The following MRPS9 variants were observed in gnomAD, a reference collection of about 807,000 sequenced individuals.
MRPS9 encodes the protein mitochondrial ribosomal protein S9.
MRPS9 carries 45 observed loss-of-function variants against 59.9 expected under a neutral mutation model. The ratio of observed to expected loss-of-function variants is 0.75; its 90% CI spans 0.59 to 0.96. The LOEUF (loss-of-function observed/expected upper bound fraction) is 0.96, where lower values mean the gene tolerates loss of function less well. Among genes scored for constraint, MRPS9 ranks in the 40% least tolerant of loss-of-function variants. The pLI is 0.00. For synonymous variants in MRPS9, 171 were observed against 166.8 expected, an observed-to-expected ratio of 1.03 and a Z score of -0.19; for missense variants, 473 against 481.1, an observed-to-expected ratio of 0.98 and a Z score of 0.16.
At position 105,080,052 on chromosome 2, in the gene MRPS9, C is replaced by A; in HGVS notation, c.479C>A (p.Ser160Ter). ...LFYTGKQSYYSLMHDVYGMLL... is the reference protein window; with the variant it reads ...LFYTGKQSYY ...TATACTGGCAAACAGTCATACTATT[C>A]ATTAATGCATGTAAGTATATTGCAT... The change falls in exon 5 of 11, where the codon TCA (serine) becomes TAA (stop). Residue 160 changes from serine to a stop codon, truncating the protein, a stop_gained. Coordinates refer to ENST00000258455, the MANE Select transcript of MRPS9 (RefSeq NM_182640.3). LOFTEE classifies it high-confidence loss of function. 1 of 1,599,556 alleles carries A rather than the reference C, an allele frequency of 6.3e-7. No individual in the cohort carries two copies. The highest frequency in any genetic ancestry group is 8.6e-7 in the Non-Finnish European group (1 of 1,169,466).
At chr2:105,056,808 G>C (rs1211668079) in intron 2 of MRPS9, among the ~76,000 whole-genome samples, 1 of 152,142 alleles carries the variant, frequency 6.6e-6, no homozygotes, top group African/African-American at 2.4e-5. Context: ...GTTTATTAAA[G>C]AGTACAATGT....
intron 2 of MRPS9, among the ~76,000 whole-genome samples, chr2:105,052,126 C>T (rs564372887): frequency 6.6e-6 from 1 of 152,176 alleles, no homozygotes; most frequent in South Asian, 2.1e-4. Flanking sequence ...TTTTTCTTAC[C>T]TAATTGCCTT....
chr2:105,087,788 C>CTG (rs1456700824), intron 5 of MRPS9, among the ~76,000 whole-genome samples: 6 of 149,012 alleles, frequency 4.0e-5, no homozygotes, highest in Non-Finnish European at 7.4e-5. Context: ...TCCCTCCCTC[C>CTG]CTCCTGCCTT....
At chr2:105,039,321 T>TG (rs1237687897) in intron 1 of MRPS9, among the ~76,000 whole-genome samples, 4 of 152,018 alleles carry the variant, frequency 2.6e-5, no homozygotes, top group East Asian at 3.9e-4. Context: ...ACATTTGTTT[T>TG]TTTTTTTTTT....
intron 2 of MRPS9, among the ~76,000 whole-genome samples, chr2:105,070,653 G>A (rs1680095465): frequency 6.6e-6 from 1 of 152,128 alleles, no homozygotes. Flanking sequence ...TGCTCCCTAG[G>A]ACGTAGGGGC....
intron 2 of MRPS9, among the ~76,000 whole-genome samples, chr2:105,069,181 A>G (rs1680058959): frequency 6.7e-6 from 1 of 149,196 alleles, no homozygotes; most frequent in African/African-American, 2.5e-5. Flanking sequence ...TGAGCCATAT[A>G]CTTCTTTTAC....
intron 1 of MRPS9, among the ~76,000 whole-genome samples, chr2:105,041,530 T>G (rs1244388927): frequency 1.5e-4 from 6 of 39,468 alleles, no homozygotes; most frequent in African/African-American, 3.2e-4. Flanking sequence ...AAGTATCTGT[T>G]TTTTTTTTTT....
intron 1 of MRPS9, among the ~76,000 whole-genome samples, chr2:105,041,430 A>G (rs1239923865): frequency 1.3e-5 from 2 of 152,092 alleles, no homozygotes; most frequent in Non-Finnish European, 2.9e-5. Context: ...GTTGATTTAG[A>G]CCATCTGCCA....
At chr2:105,042,544 G>C (rs1679519308) in intron 1 of MRPS9, among the ~76,000 whole-genome samples, 1 of 152,336 alleles carries the variant, frequency 6.6e-6, no homozygotes. Context: ...TCTCTCTCAT[G>C]TATTTAGGTC....
chr2:105,088,770 A>G (rs902491176), intron 5 of MRPS9, among the ~76,000 whole-genome samples: 27 of 152,144 alleles, frequency 1.8e-4, no homozygotes, highest in African/African-American at 6.5e-4. Context: ...GTATGACACT[A>G]AATTCTCATT....
chr2:105,056,981 A>G lies in MRPS9; in HGVS notation c.315+7631A>G, dbSNP rs1679802565. 2.6e-5 allele frequency among the ~76,000 whole-genome samples: 4 copies of G among 152,130 alleles called. No homozygotes were observed. The South Asian group carries it at 8.3e-4, about 31-fold the overall frequency. ...AATTTTTTTTTCCAGAATTAGCTCAAATTGGTGCTCGACCTTTTTATTAAG... is the reference window on the plus strand; with the variant it reads ...AATTTTTTTTTCCAGAATTAGCTCAGATTGGTGCTCGACCTTTTTATTAAG... On this transcript the variant is annotated intron_variant, in intron 2 of 10. Transcript: ENST00000258455.
chr2:105,056,562 A>G (rs571745224), intron 2 of MRPS9, among the ~76,000 whole-genome samples: 1 of 152,222 alleles, frequency 6.6e-6, no homozygotes, highest in African/African-American at 2.4e-5. Flanking sequence ...AATTAAAACT[A>G]AAAGCCATTG....
intron 2 of MRPS9, among the ~76,000 whole-genome samples, chr2:105,067,180 T>C (rs1415293913): frequency 6.6e-6 from 1 of 152,222 alleles, no homozygotes; most frequent in Non-Finnish European, 1.5e-5. Flanking sequence ...TCACATCTGA[T>C]ACAATTATAA....
chr2:105,051,925 T>C (rs1396417996), intron 2 of MRPS9, among the ~76,000 whole-genome samples: 2 of 152,208 alleles, frequency 1.3e-5, no homozygotes, highest in Non-Finnish European at 2.9e-5. Flanking sequence ...TCATAGTTCT[T>C]AGTGGATTCC....
chr2:105,074,940 T>C (rs1411607751), intron 4 of MRPS9, among the ~76,000 whole-genome samples: 3 of 152,330 alleles, frequency 2.0e-5, no homozygotes, highest in South Asian at 4.1e-4. Context: ...GCTTTATTTC[T>C]ATTATTACAT....
At position 105,067,400 on chromosome 2, in the gene MRPS9, C is replaced by A. The variant is rs1358550925; in HGVS notation, c.316-3913C>A. The stretch of plus-strand genomic sequence containing the variant: ...TGATATTGTATACTTCTCGTTACAT[C>A]CACGAAGTCTGAGAGGTACATAGTC... On this transcript the variant is annotated intron_variant, in intron 2 of 10. Transcript: ENST00000258455. Among the ~76,000 whole-genome samples, 3 of 152,088 alleles carry A rather than the reference C, an allele frequency of 2.0e-5. No individual in the cohort carries two copies. In the East Asian group the frequency reaches 5.8e-4, roughly 29 times the overall value.
At chr2:105,045,487 G>T (rs1204111957) in intron 1 of MRPS9, among the ~76,000 whole-genome samples, 1 of 151,300 alleles carries the variant, frequency 6.6e-6, no homozygotes, top group Non-Finnish European at 1.5e-5. Flanking sequence ...CTCAGATTGG[G>T]TTAAAAAAAC....
At chr2:105,068,236 A>C (rs1218553484) in intron 2 of MRPS9, among the ~76,000 whole-genome samples, 1 of 152,066 alleles carries the variant, frequency 6.6e-6, no homozygotes, top group African/African-American at 2.4e-5. Context: ...TATTACAGGA[A>C]ATAGTTTTTA....
rs751155585 is a variant in MRPS9, at chr2:105,061,109, C to CAAA, written c.316-10179_316-10177dup. Among the ~76,000 whole-genome samples the CAAA allele has an allele frequency of 4.0e-3, 190 of 47,984 alleles. 20 individuals are homozygous for CAAA. The highest frequency in any genetic ancestry group is 9.9e-3 in the African/African-American group (125 of 12,686). 31.5% of individuals were successfully genotyped at this position (47,984 alleles called of 152,430 possible). On this transcript the variant is annotated intron_variant, in intron 2 of 10. Transcript: ENST00000258455. ...TGGGCGACAGAGCAGGACTCTGTCT[C>CAAA]AAAAAAAAAAAAAAAAAAAAAAAAA... is the stretch of plus-strand genomic sequence containing the variant.
Sources: allele counts gnomAD v4.1 joint callset (sites outside exome capture counted in the v4.1 genomes callset), GRCh38; gene constraint gnomAD v4.1.1; transcripts MANE v1.5; gene names NCBI Gene and HGNC (gene_info 2026-07-23, HGNC 2026-07-21).